The following PRRG4 variants were observed in gnomAD, a reference collection of about 807,000 sequenced individuals.
The protein encoded by PRRG4 is proline rich and Gla domain 4.
In PRRG4, 12 loss-of-function variants were observed where a neutral mutation model predicts 20.0. The ratio of observed to expected loss-of-function variants is 0.60; its 90% CI spans 0.38 to 0.97. PRRG4 has a LOEUF of 0.97. Among genes scored for constraint, PRRG4 ranks in the 50% least tolerant of loss-of-function variants. The pLI, the probability that PRRG4 is intolerant of heterozygous loss-of-function variation, is 0.00. For missense variants in PRRG4, 199 were observed against 265.1 expected (o/e 0.75, Z 1.73); for synonymous variants, 94 against 96.4 (o/e 0.98, Z 0.15).
chr11:32,837,724 A>G (rs1457420544), intron 3 of PRRG4, among the ~76,000 whole-genome samples: 1 of 151,642 alleles, frequency 6.6e-6, no homozygotes, highest in Admixed American at 6.6e-5. Flanking sequence ...CGCCTGGCTA[A>G]TTTTTTGTAT....
Position 32,838,976 on chromosome 11 carries a change from C to G in PRRG4, c.316+46C>G, listed in dbSNP as rs1157888428. 2.2e-6 allele frequency: 3 copies of G among 1,353,466 alleles called. No individual in the cohort carries two copies. In the South Asian group the frequency reaches 3.5e-5, roughly 16 times the overall value. 83.8% of individuals were successfully genotyped at this position (1,353,466 alleles called of 1,614,324 possible). On this transcript the variant is annotated intron_variant, in intron 4 of 5. Coordinates refer to ENST00000257836, the MANE Select transcript of PRRG4 (RefSeq NM_024081.6). ...ATTTAATGCTTTTCTCATCCTCTCT[C>G]TGTTGTAATACATTTTAGTTTTATT...
At chr11:32,847,038 T>C (rs1413634685) in intron 5 of PRRG4, among the ~76,000 whole-genome samples, 1 of 151,538 alleles carries the variant, frequency 6.6e-6, no homozygotes, top group Non-Finnish European at 1.5e-5. Context: ...GTTGGAACAA[T>C]ATGACTTGAA....
chr11:32,838,744 C>T (rs1851047523), intron 3 of PRRG4, 138 bp from the exon 4 acceptor site: 1 of 610,952 alleles, frequency 1.6e-6, no homozygotes, highest in South Asian at 2.0e-5. Context: ...GTGAGTCACA[C>T]CCTCCAGCTT....
chr11:32,837,209 G>T (rs1851028236), intron 3 of PRRG4, among the ~76,000 whole-genome samples: 1 of 152,088 alleles, frequency 6.6e-6, no homozygotes, highest in Non-Finnish European at 1.5e-5. Context: ...AATCATTTAT[G>T]ACTGAGTAAT....
chr11:32,846,925 G>A (rs550293875), intron 5 of PRRG4, among the ~76,000 whole-genome samples: 1 of 151,864 alleles, frequency 6.6e-6, no homozygotes, highest in Non-Finnish European at 1.5e-5. Context: ...TTGAACCTGG[G>A]AGGCAGAGGT....
chr11:32,830,363 G>C, intron 1 of PRRG4, 145 bp from the exon 2 acceptor site: 1 of 836,398 alleles, frequency 1.2e-6, no homozygotes, highest in Non-Finnish European at 1.7e-6. Context: ...CTGGGCGCGC[G>C]TCGGGTTCCG....
intron 2 of PRRG4, among the ~76,000 whole-genome samples, chr11:32,830,989 A>C (rs1371069928): frequency 6.6e-6 from 1 of 152,152 alleles, no homozygotes; most frequent in Non-Finnish European, 1.5e-5. Flanking sequence ...GCGAACGGGG[A>C]GTCCAGGATC....
rs754599466 is a variant in PRRG4 at position 32,853,339 on chromosome 11, A to G, written c.493A>G (p.Ile165Val). 2 of 1,613,956 alleles carry G rather than the reference A, an allele frequency of 1.2e-6. No homozygotes were observed. Among genetic ancestry groups the G allele is most frequent in the Admixed American group, 3.3e-5 (2 of 59,996 alleles). Residue 165 changes from isoleucine (I) to valine (V), a missense_variant, in exon 6 of 6, where the codon ATT becomes GTT. Ile to Val is a conservative substitution (Grantham distance 29). Coordinates refer to ENST00000257836, the MANE Select transcript of PRRG4 (RefSeq NM_024081.6). The stretch of plus-strand genomic sequence containing the variant: ...AAGGGGGAGGCACACTCCCTCCATC[A>G]TTTTCAGAAGACCTGAGGAGGCTGC... ...YERGRHTPSI[I>V]FRRPEEAALS...
At chr11:32,831,473 G>A (rs1455147924) in intron 2 of PRRG4, among the ~76,000 whole-genome samples, 1 of 152,130 alleles carries the variant, frequency 6.6e-6, no homozygotes, top group Non-Finnish European at 1.5e-5. Context: ...GATTAATACA[G>A]CTGTGTTTGT....
intron 5 of PRRG4, among the ~76,000 whole-genome samples, chr11:32,842,997 G>A (rs1012552551): frequency 2.0e-5 from 3 of 151,818 alleles, no homozygotes; most frequent in South Asian, 2.1e-4. Flanking sequence ...GATTACAGGC[G>A]TGTGCCACCA....
intron 5 of PRRG4, among the ~76,000 whole-genome samples, chr11:32,846,714 T>C (rs1251862057): frequency 6.6e-6 from 1 of 152,024 alleles, no homozygotes; most frequent in Non-Finnish European, 1.5e-5. Flanking sequence ...TAGAAAGAAC[T>C]TGGGGCCACA....
intron 5 of PRRG4, among the ~76,000 whole-genome samples, chr11:32,843,265 T>C (rs1278146829): frequency 6.6e-6 from 1 of 152,148 alleles, no homozygotes; most frequent in Non-Finnish European, 1.5e-5. Flanking sequence ...TTTAAAAAGA[T>C]TTTATCCTGT....
intron 5 of PRRG4, among the ~76,000 whole-genome samples, chr11:32,842,201 G>A (rs1197929446): frequency 6.6e-6 from 1 of 152,088 alleles, no homozygotes; most frequent in African/African-American, 2.4e-5. Flanking sequence ...CACCAAACTA[G>A]GAATTTGGAG....
chr11:32,850,498 T>A (rs575650568), intron 5 of PRRG4, among the ~76,000 whole-genome samples: 11 of 152,210 alleles, frequency 7.2e-5, no homozygotes, highest in Non-Finnish European at 1.5e-4. Flanking sequence ...TCACAGATCA[T>A]CTTTATATCC....
Position 32,856,072 on chromosome 11 carries a change from T to TACATAC in PRRG4, c.*2545_*2546insACATAC, listed in dbSNP as rs1408048282. On this transcript the variant is annotated 3_prime_UTR_variant, in exon 6 of 6. Transcript: ENST00000257836. Reference sequence around the variant, plus strand: ...TCTCATATATACATACATTTATATATGTACATGTTACATATATTTAGATGT... The same window carrying TACATAC: ...TCTCATATATACATACATTTATATATACATACGTACATGTTACATATATTTAGATGT... 6.6e-6 allele frequency: 1 copy of TACATAC among 152,238 alleles called. No individual in the cohort carries two copies. The highest frequency in any genetic ancestry group is 2.4e-5 in the African/African-American group (1 of 41,466). 9.4% of individuals were successfully genotyped at this position (152,238 alleles called of 1,614,324 possible).
At chr11:32,846,996 C>CAA (rs35463940) in intron 5 of PRRG4, among the ~76,000 whole-genome samples, 26 of 143,678 alleles carry the variant, frequency 1.8e-4, no homozygotes, top group South Asian at 4.4e-4. Context: ...GACTCTGTCT[C>CAA]AAAAAAAAAA....
rs1324997658 is a variant in PRRG4, at chr11:32,851,464, GCTCT to G, written c.450-1829_450-1826del. ...TCTGACAGAGGAGGAATTGTGTTGA[GCTCT>G]CTAAGTAAACTTGTGATCCTCTCAG... On this transcript the variant is annotated intron_variant, in intron 5 of 5. Coordinates refer to ENST00000257836, the MANE Select transcript of PRRG4 (RefSeq NM_024081.6). Among the ~76,000 whole-genome samples the G allele has an allele frequency of 3.9e-5, 6 of 152,256 alleles. No homozygotes were observed. In the East Asian group the frequency reaches 7.7e-4, roughly 20 times the overall value.
chr11:32,834,191 G>C (rs1850999557), intron 2 of PRRG4, among the ~76,000 whole-genome samples: 1 of 152,136 alleles, frequency 6.6e-6, no homozygotes, highest in African/African-American at 2.4e-5. Flanking sequence ...TTTTTAAAAA[G>C]CAAAGTAGGA....
chr11:32,838,752 C>A (rs1851047650), intron 3 of PRRG4, 130 bp from the exon 4 acceptor site: 2 of 635,150 alleles, frequency 3.1e-6, no homozygotes, highest in Non-Finnish European at 5.8e-6. Context: ...CACCCTCCAG[C>A]TTGAATGAAC....
Sources: gnomAD v4.1 joint callset for allele counts (sites outside exome capture counted in the v4.1 genomes callset) on GRCh38, gnomAD v4.1.1 for gene constraint, MANE v1.5 for transcripts, NCBI Gene and HGNC (gene_info 2026-07-23, HGNC 2026-07-21) for gene names.